Variants in TAGLN3 observed in about 807,000 individuals in gnomAD.
TAGLN3 encodes transgelin-3.
Under a neutral mutation model 25.4 loss-of-function variants are expected in TAGLN3, and 12 were observed. The observed-to-expected ratio is 0.47, with a 90% CI of 0.30 to 0.77. The LOEUF (loss-of-function observed/expected upper bound fraction) is 0.77, where lower values mean the gene tolerates loss of function less well. Among genes scored for constraint, TAGLN3 ranks in the 30% least tolerant of loss-of-function variants. The pLI, the probability that TAGLN3 is intolerant of heterozygous loss-of-function variation, is 0.06. For missense variants in TAGLN3, 218 were observed against 255.8 expected, an observed-to-expected ratio of 0.85 and a Z score of 1.01; for synonymous variants, 96 against 94.8, an observed-to-expected ratio of 1.01 and a Z score of -0.08.
chr3:112,002,493 CA>C (rs940876105), intron 3 of TAGLN3, among the ~76,000 whole-genome samples: 3 of 152,154 alleles, frequency 2.0e-5, no homozygotes, highest in African/African-American at 7.2e-5. Flanking sequence ...CCTTCACCTA[CA>C]CCGTGAGTGT....
At chr3:112,002,663 G>A (rs1576077008) in intron 3 of TAGLN3, among the ~76,000 whole-genome samples, 1 of 148,080 alleles carries the variant, frequency 6.8e-6, no homozygotes, top group Non-Finnish European at 1.5e-5. Context: ...ACCCCACAAA[G>A]TGCAGGAAGT....
At chr3:112,005,849 T>A (rs1036140266) in intron 3 of TAGLN3, among the ~76,000 whole-genome samples, 10 of 151,528 alleles carry the variant, frequency 6.6e-5, no homozygotes, top group Middle Eastern at 6.8e-3. Flanking sequence ...TACAGGTACC[T>A]GCCACCACGC....
At chr3:112,004,689 G>A (rs1003083924) in intron 3 of TAGLN3, among the ~76,000 whole-genome samples, 5 of 152,184 alleles carry the variant, frequency 3.3e-5, no homozygotes, top group Non-Finnish European at 5.9e-5. Flanking sequence ...GGTTCATGAT[G>A]ATAGTAGAAG....
At chr3:112,009,244 G>T (rs934540591) in intron 3 of TAGLN3, among the ~76,000 whole-genome samples, 9 of 152,226 alleles carry the variant, frequency 5.9e-5, no homozygotes, top group African/African-American at 2.2e-4. Flanking sequence ...ATATCACTTG[G>T]CCAGAACATC....
Position 112,011,688 on chromosome 3 carries a change from G to A in TAGLN3, c.356-75G>A, listed in dbSNP as rs993093835. 2.9e-6 allele frequency: 4 copies of A among 1,378,804 alleles called. No individual in the cohort carries two copies. The African/African-American group carries it at 5.8e-5, about 20-fold the overall frequency. 85.4% of individuals were successfully genotyped at this position (1,378,804 alleles called of 1,614,324 possible). Reference sequence around the variant, plus strand: ...GCCTTCTATCAGAACTTCCCTCCTGGGTGTCCAGCCGTATCCTTCCAGCAT... The same window carrying A: ...GCCTTCTATCAGAACTTCCCTCCTGAGTGTCCAGCCGTATCCTTCCAGCAT... On this transcript the variant is annotated intron_variant, in intron 3 of 4. Coordinates refer to ENST00000478951, the MANE Select transcript of TAGLN3 (RefSeq NM_001008272.2).
In TAGLN3 at chr3:111,998,933, C is replaced by T. The variant is rs2072819605; in HGVS notation, c.-184C>T. On this transcript the variant is annotated 5_prime_UTR_variant, in exon 1 of 5. Transcript: ENST00000478951. ...GCCATGAGAAAATCAAATCAATGTG[C>T]CATTCTTCCAGGCGCGAGGCAGCAG... 2 of 152,778 alleles carry T rather than the reference C, an allele frequency of 1.3e-5. No individual in the cohort carries two copies. The highest frequency in any genetic ancestry group is 1.5e-5 in the Non-Finnish European group (1 of 68,424). 9.5% of individuals were successfully genotyped at this position (152,778 alleles called of 1,614,324 possible). A position where few individuals can be genotyped will look rare whatever the true frequency, so the allele number is the denominator to read the frequency against.
At chr3:112,005,479 T>G (rs2072905879) in intron 3 of TAGLN3, among the ~76,000 whole-genome samples, 1 of 152,116 alleles carries the variant, frequency 6.6e-6, no homozygotes, top group African/African-American at 2.4e-5. Flanking sequence ...TGTTCCCCCT[T>G]TGATGACTGG....
intron 3 of TAGLN3, among the ~76,000 whole-genome samples, chr3:112,002,613 G>A (rs1201896691): frequency 5.3e-5 from 8 of 151,366 alleles, no homozygotes; most frequent in African/African-American, 9.7e-5. Context: ...GGATAGGAGA[G>A]TCAGTGTGAA....
intron 3 of TAGLN3, among the ~76,000 whole-genome samples, chr3:112,005,242 G>A (rs79879095): frequency 0.024 from 3,653 of 152,242 alleles, 141 homozygotes; most frequent in South Asian, 0.17. Context: ...AAAGAAGCTA[G>A]CACAGTGCCT....
chr3:112,010,259 A>G lies in TAGLN3; in HGVS notation c.356-1504A>G, dbSNP rs145949633. On this transcript the variant is annotated intron_variant, in intron 3 of 4. Transcript: ENST00000478951. ...CCCCACATTTTCCCAGATCCTGGAC[A>G]TATCAGAATAGCTCTTTCCAACCAC... 3.1e-3 allele frequency among the ~76,000 whole-genome samples: 466 copies of G among 152,254 alleles called. 4 individuals are homozygous for G. The highest frequency in any genetic ancestry group is 0.011 in the African/African-American group (445 of 41,560).
intron 3 of TAGLN3, among the ~76,000 whole-genome samples, chr3:112,004,064 C>T (rs1031855577): frequency 2.0e-5 from 3 of 152,184 alleles, no homozygotes; most frequent in Non-Finnish European, 4.4e-5. Flanking sequence ...TCCAGAAAAA[C>T]AACACAATCA....
intron 3 of TAGLN3, among the ~76,000 whole-genome samples, chr3:112,007,128 T>C (rs12497699): frequency 0.51 from 77,633 of 151,940 alleles, 20,872 homozygotes; most frequent in Non-Finnish European, 0.6. Flanking sequence ...CACAGCAAAA[T>C]TGAGAGGAAG....
chr3:112,003,340 A>C (rs1192223728), intron 3 of TAGLN3, among the ~76,000 whole-genome samples: 1 of 152,116 alleles, frequency 6.6e-6, no homozygotes, highest in Admixed American at 6.5e-5. Flanking sequence ...GGAGGTACAA[A>C]AGTGGGTCGC....
At chr3:112,012,238 C>CCCTT (rs1216935980) in intron 4 of TAGLN3, among the ~76,000 whole-genome samples, 1 of 66,034 alleles carries the variant, frequency 1.5e-5, no homozygotes, top group African/African-American at 5.1e-5. Flanking sequence ...CTCCCTCCCT[C>CCCTT]CCTCCCTCCC....
At chr3:112,003,905 A>C (rs115888590) in intron 3 of TAGLN3, among the ~76,000 whole-genome samples, 2,093 of 152,274 alleles carry the variant, frequency 0.014, 42 homozygotes, top group African/African-American at 0.046. Flanking sequence ...TGCCAAATGC[A>C]TTCTTGTTTA....
intron 3 of TAGLN3, among the ~76,000 whole-genome samples, chr3:112,006,992 C>A (rs888078258): frequency 6.6e-6 from 1 of 152,200 alleles, no homozygotes; most frequent in African/African-American, 2.4e-5. Flanking sequence ...TCTGTATTGT[C>A]AAGTAAAGCT....
At chr3:111,999,277 G>C in intron 1 of TAGLN3, 144 bp from the exon 2 acceptor site, 1 of 916,948 alleles carries the variant, frequency 1.1e-6, no homozygotes, top group Non-Finnish European at 1.6e-6. Context: ...TTGGCTCCTT[G>C]ATTTAAACCA....
chr3:112,004,124 G>A (rs2072891537), intron 3 of TAGLN3, among the ~76,000 whole-genome samples: 1 of 152,220 alleles, frequency 6.6e-6, no homozygotes, highest in Non-Finnish European at 1.5e-5. Flanking sequence ...AGGGAGCTGG[G>A]GTGACCACTT....
chr3:112,003,560 G>A (rs908852641), intron 3 of TAGLN3, among the ~76,000 whole-genome samples: 13 of 152,158 alleles, frequency 8.5e-5, no homozygotes, highest in African/African-American at 2.9e-4. Context: ...TGTGCACACA[G>A]CTATTAGACT....
Sources: allele counts gnomAD v4.1 joint callset (sites outside exome capture counted in the v4.1 genomes callset), GRCh38; gene constraint gnomAD v4.1.1; transcripts MANE v1.5; gene names NCBI Gene and HGNC (gene_info 2026-07-23, HGNC 2026-07-21).